The following ABAT variants were observed in gnomAD, a reference collection of about 807,000 sequenced individuals.
ABAT encodes the protein 4-aminobutyrate aminotransferase.
Under a neutral mutation model 64.6 loss-of-function variants are expected in ABAT, and 45 were observed. The observed-to-expected ratio is 0.70, with a 90% confidence interval of 0.55 to 0.89. ABAT has a LOEUF of 0.89. ABAT is among the 40% of genes least tolerant of loss of function. The pLI, the probability that ABAT is intolerant of heterozygous loss-of-function variation, is 0.00. For synonymous variants in ABAT, 297 were observed against 250.5 expected (o/e 1.19, Z -1.75); for missense variants, 633 against 658.4 (o/e 0.96, Z 0.42).
chr16:8,697,849 C>G (rs568010496), intron 1 of ABAT, among the ~76,000 whole-genome samples: 1 of 152,280 alleles, frequency 6.6e-6, no homozygotes, highest in East Asian at 1.9e-4. Context: ...GTTGGCCAGG[C>G]TGGTCGCAAA....
At position 8,776,951 on chromosome 16, in the gene ABAT, T is replaced by G. The variant is rs994806497; in HGVS notation, c.1269+461T>G. 6.6e-6 allele frequency among the ~76,000 whole-genome samples: 1 copy of G among 152,130 alleles called. No homozygotes were observed. Among genetic ancestry groups the G allele is most frequent in the Non-Finnish European group, 1.5e-5 (1 of 68,024 alleles). On this transcript the variant is annotated intron_variant, in intron 14 of 15. Coordinates refer to ENST00000268251, the MANE Select transcript of ABAT (RefSeq NM_020686.6). This position sits in a 1 kb window ranked among gnomAD's most constrained non-coding sequence, Gnocchi z 4.4. ...GTCTTGCTTTGTACCCAGGCTGGAG[T>G]GCAGTGGCGCAATCTCAGCTCACCG...
chr16:8,722,289 A>T (rs555148715), intron 1 of ABAT, among the ~76,000 whole-genome samples: 258 of 152,288 alleles, frequency 1.7e-3, no homozygotes, highest in Non-Finnish European at 2.9e-3. Context: ...GGGGGAAGAT[A>T]GCAATTAGGT....
chr16:8,760,164 A>C (rs1056937762), intron 6 of ABAT: 2 of 152,206 alleles, frequency 1.3e-5, no homozygotes, highest in Non-Finnish European at 1.5e-5. Flanking sequence ...GGCCATGTAC[A>C]GCTCCTGCAG....
At chr16:8,680,954 T>G (rs971913407) in intron 1 of ABAT, among the ~76,000 whole-genome samples, 8 of 151,094 alleles carry the variant, frequency 5.3e-5, no homozygotes, top group African/African-American at 1.9e-4. Flanking sequence ...AGTTCTTCTT[T>G]TCTCTTTTTC....
intron 1 of ABAT, among the ~76,000 whole-genome samples, chr16:8,730,753 A>G (rs1484243515): frequency 6.6e-6 from 1 of 152,124 alleles, no homozygotes; most frequent in Non-Finnish European, 1.5e-5. Flanking sequence ...TCTGTCACAG[A>G]GTAAGTTTCA....
Position 8,784,041 on chromosome 16 carries a change from T to C in ABAT, c.*2611T>C, listed in dbSNP as rs1463894644. 1 of 152,286 alleles carries C rather than the reference T, an allele frequency of 6.6e-6. No individual in the cohort carries two copies. Among genetic ancestry groups the C allele is most frequent in the South Asian group, 2.1e-4 (1 of 4,828 alleles). 9.4% of individuals were successfully genotyped at this position (152,286 alleles called of 1,614,324 possible). A position where few individuals can be genotyped will look rare whatever the true frequency, so the allele number is the denominator to read the frequency against. ...AAGAATTCTCAGCAGAGCTCAAGAT[T>C]GTAGAAACTCAGCAGAAGCTGGTAA... On this transcript the variant is annotated 3_prime_UTR_variant, in exon 16 of 16. Transcript: ENST00000268251.
chr16:8,733,155 GTGGCTGCCAGGCGGAGACGC>G lies in ABAT; in HGVS notation c.-41-2542_-41-2523del, dbSNP rs1233955594. Among the ~76,000 whole-genome samples, 32 of 151,172 alleles carry G rather than the reference GTGGCTGCCAGGCGGAGACGC, an allele frequency of 2.1e-4. No individual in the cohort carries two copies. In the East Asian group the frequency reaches 4.9e-3, roughly 23 times the overall value. The stretch of plus-strand genomic sequence containing the variant: ...CCCCCCCACCTCCCTCCCGGACGGG[GTGGCTGCCAGGCGGAGACGC>G]TCCTCACTTCCCAGACGGGGCGGCT... On this transcript the variant is annotated intron_variant, in intron 1 of 15. Transcript: ENST00000268251.
intron 1 of ABAT, among the ~76,000 whole-genome samples, chr16:8,730,293 T>C (rs1731083): frequency 0.79 from 120,569 of 152,070 alleles, 48,373 homozygotes; most frequent in Non-Finnish European, 0.86. Flanking sequence ...GTAGCACAAA[T>C]GCATCAATGG....
chr16:8,770,373 G>T (rs1169492930), intron 11 of ABAT, among the ~76,000 whole-genome samples: 2 of 152,124 alleles, frequency 1.3e-5, no homozygotes, highest in Admixed American at 6.6e-5. Flanking sequence ...TCCTGACCTT[G>T]TGATCCGCCC....
At chr16:8,719,760 G>A (rs866230906) in intron 1 of ABAT, among the ~76,000 whole-genome samples, 29 of 140,566 alleles carry the variant, frequency 2.1e-4, no homozygotes, top group African/African-American at 7.7e-4. Flanking sequence ...AAAGAAGGAG[G>A]AGGAGGAGGA....
At chr16:8,695,448 G>A (rs2057681075) in intron 1 of ABAT, among the ~76,000 whole-genome samples, 1 of 152,182 alleles carries the variant, frequency 6.6e-6, no homozygotes. Context: ...TGATTCTGCA[G>A]AAAAACTAGG....
chr16:8,721,303 G>A (rs1346958327), intron 1 of ABAT, among the ~76,000 whole-genome samples: 1 of 152,146 alleles, frequency 6.6e-6, no homozygotes, highest in Non-Finnish European at 1.5e-5. Context: ...TTGACCTCCA[G>A]TTCCAGGGAT....
At chr16:8,698,198 C>A (rs771993597) in intron 1 of ABAT, among the ~76,000 whole-genome samples, 1 of 152,172 alleles carries the variant, frequency 6.6e-6, no homozygotes, top group Non-Finnish European at 1.5e-5. Context: ...TTGCCTGCTG[C>A]CGGAGGAGTG....
intron 1 of ABAT, among the ~76,000 whole-genome samples, chr16:8,705,746 A>T (rs2057926201): frequency 6.6e-6 from 1 of 152,078 alleles, no homozygotes; most frequent in South Asian, 2.1e-4. Flanking sequence ...TCTGAATCTC[A>T]TTTCAAAGAG....
chr16:8,750,755 A>G (rs1357394678), intron 5 of ABAT, among the ~76,000 whole-genome samples: 1 of 152,168 alleles, frequency 6.6e-6, no homozygotes, highest in African/African-American at 2.4e-5. Context: ...CAAATTCCAC[A>G]GGGTAAGTAT....
At chr16:8,751,848 TA>T (rs2142745281) in intron 5 of ABAT, among the ~76,000 whole-genome samples, 1 of 152,292 alleles carries the variant, frequency 6.6e-6, no homozygotes, top group South Asian at 2.1e-4. Flanking sequence ...ACTCGCTGTA[TA>T]AAAGGGCACA....
At chr16:8,723,318 G>C (rs1395614832) in intron 1 of ABAT, among the ~76,000 whole-genome samples, 2 of 152,306 alleles carry the variant, frequency 1.3e-5, no homozygotes, top group South Asian at 4.1e-4. Flanking sequence ...AGTTGGACCA[G>C]AGCATGTTGG....
chr16:8,726,486 C>G (rs1041075957), intron 1 of ABAT, among the ~76,000 whole-genome samples: 1 of 151,970 alleles, frequency 6.6e-6, no homozygotes, highest in Non-Finnish European at 1.5e-5. Context: ...CTCATGGGAT[C>G]CACCTGCCTC....
At chr16:8,721,331 C>T (rs1047618337) in intron 1 of ABAT, among the ~76,000 whole-genome samples, 1 of 152,042 alleles carries the variant, frequency 6.6e-6, no homozygotes, top group African/African-American at 2.4e-5. Context: ...TCATGAAGTC[C>T]TGTGGTCATA....
Sources: gnomAD v4.1 joint callset for allele counts (sites outside exome capture counted in the v4.1 genomes callset) on GRCh38, gnomAD v4.1.1 for gene constraint, Gnocchi (gnomAD v3.1) non-coding constraint, MANE v1.5 for transcripts, NCBI Gene and HGNC (gene_info 2026-07-23, HGNC 2026-07-21) for gene names.